ZNF30: variants seen among roughly 807,000 people sequenced by gnomAD.
ZNF30 encodes zinc finger protein 30 (KOX 28).
In ZNF30, 15 loss-of-function variants were observed where a neutral mutation model predicts 13.2. The observed-to-expected ratio is 1.13, with a 90% CI of 0.76 to 1.75. The LOEUF (loss-of-function observed/expected upper bound fraction) is 1.75, where lower values mean the gene tolerates loss of function less well. ZNF30 is among the 40% of genes most tolerant of loss of function. The pLI, the probability that ZNF30 is intolerant of heterozygous loss-of-function variation, is 0.00. For missense variants in ZNF30, 726 were observed against 757.0 expected (o/e 0.96, Z 0.48); for synonymous variants, 223 against 256.6 (o/e 0.87, Z 1.25).
In ZNF30 at chr19:34,943,876, G is replaced by A. The variant is rs752526081; in HGVS notation, c.910G>A (p.Ala304Thr). The change falls in exon 5 of 5, where the codon GCT (alanine) becomes ACT (threonine). Residue 304 changes from alanine (A) to threonine (T), a missense_variant. Coordinates refer to ENST00000601142, the MANE Select transcript of ZNF30 (RefSeq NM_194325.3). Reference sequence around the variant, plus strand: ...GGCCTTTAGCACTAGCTCACCCCTTGCTAAGCATCAGAGAATTCATACTGG... The same window carrying A: ...GGCCTTTAGCACTAGCTCACCCCTTACTAAGCATCAGAGAATTCATACTGG... ...GKAFSTSSPL[A>T]KHQRIHTGEK... 2 of 1,613,996 alleles carry A rather than the reference G, an allele frequency of 1.2e-6. No homozygotes were observed. The highest frequency in any genetic ancestry group is 1.1e-5 in the South Asian group (1 of 91,078).
In ZNF30 at chr19:34,931,831, T is replaced by C; in HGVS notation, c.10-12T>C. The C allele has an allele frequency of 6.2e-7, 1 of 1,606,786 alleles. No individual in the cohort carries two copies. Among genetic ancestry groups the C allele is most frequent in the Non-Finnish European group, 8.5e-7 (1 of 1,177,706 alleles). On this transcript the variant is annotated splice_polypyrimidine_tract_variant and intron_variant, in intron 2 of 4. Transcript: ENST00000601142. ...CCTTTCACCTTGAAAGCATTTTCTT[T>C]GATTTTACCAGAAATATGTGGGTTT...
In ZNF30 at chr19:34,943,362, C is replaced by T; in HGVS notation, c.396C>T (p.Asp132=). The T allele has an allele frequency of 6.2e-7, 1 of 1,613,972 alleles. No homozygotes were observed. The highest frequency in any genetic ancestry group is 8.5e-7 in the Non-Finnish European group (1 of 1,179,890). Residue 132 remains aspartate (D), a synonymous_variant, in exon 5 of 5, where the codon GAC becomes GAT. Transcript: ENST00000601142. The stretch of plus-strand genomic sequence containing the variant: ...AATATGGAAAGACCCTTTGTCAAGA[C>T]TCAAAGCCTGTTCAACATGAAAGAA... ...CQEYGKTLCQ[D]SKPVQHERIH...
intron 4 of ZNF30, among the ~76,000 whole-genome samples, chr19:34,941,667 TC>T (rs1355373810): frequency 6.6e-6 from 1 of 152,210 alleles, no homozygotes; most frequent in Non-Finnish European, 1.5e-5. Flanking sequence ...GCCACAGTGA[TC>T]CTAGGAGATA....
chr19:34,928,220 A>AATATATATATAT (rs374649415), intron 1 of ZNF30, among the ~76,000 whole-genome samples: 52 of 73,332 alleles, frequency 7.1e-4, no homozygotes, highest in South Asian at 4.0e-3. Context: ...AAAAAAAAAA[A>AATATATATATAT]ATATATATAT....
upstream of ZNF30, chr19:34,926,747 G>T: frequency 2.5e-6 from 1 of 394,146 alleles, no homozygotes; most frequent in South Asian, 1.4e-4. Context: ...TTAATGCCCT[G>T]GGTTGGCCCT....
Position 34,926,953 on chromosome 19 carries a change from T to A in ZNF30, c.-328T>A. ...GGCGGTGTGACGGCTCAGGACTGCA[T>A]TTCCCAGAGGCTGCAGCTATCCGGC... is the stretch of plus-strand genomic sequence containing the variant. On this transcript the variant is annotated 5_prime_UTR_variant, in exon 1 of 5. Transcript: ENST00000601142. The A allele has an allele frequency of 2.5e-6, 1 of 398,572 alleles. No individual in the cohort carries two copies. Among genetic ancestry groups the A allele is most frequent in the Non-Finnish European group, 4.4e-6 (1 of 226,034 alleles). The allele number at this position is 398,572 out of a possible 1,614,324, so 24.7% of individuals were successfully genotyped here.
In ZNF30 at chr19:34,943,743, C is replaced by T. The variant is rs2013174308; in HGVS notation, c.777C>T (p.Pro259=). 1 of 1,613,884 alleles carries T rather than the reference C, an allele frequency of 6.2e-7. No homozygotes were observed. Among genetic ancestry groups the T allele is most frequent in the Non-Finnish European group, 8.5e-7 (1 of 1,179,864 alleles). Residue 259 remains proline, a synonymous_variant, in exon 5 of 5, where the codon CCC becomes CCT. Coordinates refer to ENST00000601142, the MANE Select transcript of ZNF30 (RefSeq NM_194325.3). ...AGAGTACTCACACTGGTGAAAAACC[C>T]TTTGGGTGTGAGGAGTGTGGGAAGG... is the stretch of plus-strand genomic sequence containing the variant. The part of the protein sequence containing the change: ...RHQSTHTGEK[P]FGCEECGKAF...
chr19:34,927,242 G>A, intron 1 of ZNF30, 26 bp downstream of exon 1: 3 of 375,074 alleles, frequency 8.0e-6, no homozygotes, highest in Non-Finnish European at 1.4e-5. Flanking sequence ...ACCGGGCGAG[G>A]ATCCCGGGCC....
At chr19:34,925,142 T>C (rs919116654), upstream of ZNF30, among the ~76,000 whole-genome samples, 1 of 152,042 alleles carries the variant, frequency 6.6e-6, no homozygotes, top group Non-Finnish European at 1.5e-5. Flanking sequence ...CCCATGGCAG[T>C]GTCTAGGGGT....
intron 3 of ZNF30, 90 bp downstream of exon 3, chr19:34,932,083 C>A: frequency 8.6e-7 from 1 of 1,160,102 alleles, no homozygotes; most frequent in Non-Finnish European, 1.1e-6. Flanking sequence ...GAACTGAACA[C>A]GATTTCTTCT....
chr19:34,934,453 C>T (rs1454877134), intron 4 of ZNF30, among the ~76,000 whole-genome samples: 1 of 152,020 alleles, frequency 6.6e-6, no homozygotes, highest in Admixed American at 6.6e-5. Flanking sequence ...TCAGTAGAGA[C>T]AGTGTCTCAC....
chr19:34,925,146 T>C (rs1182641167), upstream of ZNF30, among the ~76,000 whole-genome samples: 1 of 152,146 alleles, frequency 6.6e-6, no homozygotes, highest in Non-Finnish European at 1.5e-5. Flanking sequence ...TGGCAGTGTC[T>C]AGGGGTGAAT....
intron 4 of ZNF30, among the ~76,000 whole-genome samples, chr19:34,941,936 A>C (rs2013069208): frequency 6.6e-6 from 1 of 152,206 alleles, no homozygotes; most frequent in African/African-American, 2.4e-5. Flanking sequence ...ACTGTTTACT[A>C]GATTACAGTG....
intron 2 of ZNF30, among the ~76,000 whole-genome samples, chr19:34,930,888 C>T (rs2012411622): frequency 6.6e-6 from 1 of 151,438 alleles, no homozygotes; most frequent in Admixed American, 6.6e-5. Context: ...AAAACAGCAG[C>T]CAAAGTATTA....
chr19:34,939,630 TA>T (rs1222734342), intron 4 of ZNF30, among the ~76,000 whole-genome samples: 3 of 152,066 alleles, frequency 2.0e-5, no homozygotes, highest in Admixed American at 1.3e-4. Flanking sequence ...CTAATTTTTT[TA>T]AAAAAAGACA....
intron 1 of ZNF30, among the ~76,000 whole-genome samples, chr19:34,928,074 G>A (rs1003918188): frequency 9.9e-5 from 15 of 151,522 alleles, no homozygotes; most frequent in African/African-American, 3.4e-4. Flanking sequence ...GCATGGTGGC[G>A]TGCGCTTGTA....
At chr19:34,927,373 A>G (rs2012133723) in intron 1 of ZNF30, 157 bp downstream of exon 1, 1 of 201,008 alleles carries the variant, frequency 5.0e-6, no homozygotes, top group East Asian at 1.1e-4. Context: ...ACTATTTTGG[A>G]TAAAATCACT....
chr19:34,925,929 T>C (rs2012055340), upstream of ZNF30, among the ~76,000 whole-genome samples: 1 of 152,096 alleles, frequency 6.6e-6, no homozygotes, highest in Admixed American at 6.5e-5. Flanking sequence ...CCCAGCACTT[T>C]GGGAGGCTGA....
chr19:34,929,766 T>C (rs1220423466), intron 1 of ZNF30, 118 bp from the exon 2 acceptor site: 2 of 545,846 alleles, frequency 3.7e-6, no homozygotes. Context: ...GTTCTCCAAA[T>C]TTTGTTTGAG....
Sources: gnomAD v4.1 joint callset for allele counts (sites outside exome capture counted in the v4.1 genomes callset) on GRCh38, gnomAD v4.1.1 for gene constraint, MANE v1.5 for transcripts, NCBI Gene and HGNC (gene_info 2026-07-23, HGNC 2026-07-21) for gene names.